Variants in ARB2A observed in about 807,000 individuals in gnomAD.
ARB2A encodes the protein ARB2 cotranscriptional regulator A.
At chr5:93,722,727 C>T in the ARB2A span, among the ~76,000 whole-genome samples, 1 of 152,076 alleles carries the variant, frequency 6.6e-6, no homozygotes, top group Non-Finnish European at 1.5e-5. Context: ...CTCATGGAAG[C>T]GAGAGGTTAT....
chr5:94,039,765 G>A, the ARB2A span, among the ~76,000 whole-genome samples: 2 of 152,110 alleles, frequency 1.3e-5, no homozygotes, highest in Non-Finnish European at 2.9e-5. Flanking sequence ...CCATAGAAGG[G>A]ACTATAGTGC....
At chr5:93,985,626 T>C in the ARB2A span, among the ~76,000 whole-genome samples, 1 of 152,330 alleles carries the variant, frequency 6.6e-6, no homozygotes, top group African/African-American at 2.4e-5. Context: ...GGTTTCGCCC[T>C]GTTGGCCGGG....
chr5:93,952,339 G>A, the ARB2A span, among the ~76,000 whole-genome samples: 10 of 152,172 alleles, frequency 6.6e-5, no homozygotes, highest in Non-Finnish European at 1.5e-4. Flanking sequence ...ATTTCTTGTA[G>A]AACACGTCTG....
the ARB2A span, among the ~76,000 whole-genome samples, chr5:93,909,733 T>C: frequency 6.6e-6 from 1 of 151,042 alleles, no homozygotes; most frequent in African/African-American, 2.4e-5. Context: ...AGTTTTTTTG[T>C]TGAAAATATG....
At chr5:94,045,170 T>A in the ARB2A span, among the ~76,000 whole-genome samples, 1 of 148,910 alleles carries the variant, frequency 6.7e-6, no homozygotes, top group Non-Finnish European at 1.5e-5. Context: ...TTACCCTATA[T>A]GGTTTTAAAA....
At chr5:93,977,294 C>G in the ARB2A span, among the ~76,000 whole-genome samples, 5 of 151,614 alleles carry the variant, frequency 3.3e-5, no homozygotes, top group African/African-American at 1.2e-4. Context: ...AGTAGTCAAG[C>G]CAAACCTAAG....
At chr5:94,011,560 C>T in the ARB2A span, among the ~76,000 whole-genome samples, 2 of 151,960 alleles carry the variant, frequency 1.3e-5, no homozygotes, top group African/African-American at 2.4e-5. Flanking sequence ...GAAGCCTGGA[C>T]TAAAGTGGAC....
the ARB2A span, among the ~76,000 whole-genome samples, chr5:94,009,733 A>T: frequency 6.6e-6 from 1 of 152,004 alleles, no homozygotes; most frequent in South Asian, 2.1e-4. Flanking sequence ...TATTTGGGTT[A>T]TCTATAGCAT....
chr5:94,001,893 G>C, the ARB2A span, among the ~76,000 whole-genome samples: 4 of 152,102 alleles, frequency 2.6e-5, no homozygotes, highest in Non-Finnish European at 5.9e-5. Context: ...TGATGTACAT[G>C]GTAAAAGGAA....
At chr5:93,753,007 G>A in the ARB2A span, among the ~76,000 whole-genome samples, 1 of 152,134 alleles carries the variant, frequency 6.6e-6, no homozygotes, top group East Asian at 1.9e-4. Context: ...TAAAGGATCA[G>A]AATATCTTCT....
chr5:93,873,303 G>T, the ARB2A span, among the ~76,000 whole-genome samples: 4 of 2,074 alleles, frequency 1.9e-3, no homozygotes, highest in Admixed American at 0.021. Flanking sequence ...AAAAAAAAAG[G>T]GGGGGGGGAA....
the ARB2A span, among the ~76,000 whole-genome samples, chr5:93,819,655 G>A: frequency 6.6e-6 from 1 of 152,134 alleles, no homozygotes; most frequent in Non-Finnish European, 1.5e-5. Context: ...AAATATAAAT[G>A]ACACTTCTTT....
At chr5:93,777,727 G>C in the ARB2A span, among the ~76,000 whole-genome samples, 1 of 152,124 alleles carries the variant, frequency 6.6e-6, no homozygotes, top group Non-Finnish European at 1.5e-5. Context: ...ACTGTGGAAA[G>C]ATCCTTGACT....
At chr5:93,824,184 A>G in the ARB2A span, 3 of 1,596,904 alleles carry the variant, frequency 1.9e-6, no homozygotes, top group South Asian at 2.3e-5. Flanking sequence ...AGCTGTGAGC[A>G]ACGAAAAACA....
At chr5:93,795,571 A>G in the ARB2A span, among the ~76,000 whole-genome samples, 1 of 152,150 alleles carries the variant, frequency 6.6e-6, no homozygotes, top group African/African-American at 2.4e-5. Flanking sequence ...TGGGAGCTGC[A>G]TACTAGTCCT....
chr5:93,872,733 C>T, the ARB2A span, among the ~76,000 whole-genome samples: 1 of 151,618 alleles, frequency 6.6e-6, no homozygotes, highest in Non-Finnish European at 1.5e-5. Flanking sequence ...CTGGCTAACA[C>T]AGTGATACCC....
chr5:93,621,564 G>C, the ARB2A span, among the ~76,000 whole-genome samples: 567 of 152,336 alleles, frequency 3.7e-3, 2 homozygotes, highest in Middle Eastern at 0.014. Flanking sequence ...CTCTCCCTCC[G>C]GGAAACCACC....
chr5:93,673,894 T>C, the ARB2A span, among the ~76,000 whole-genome samples: 18 of 152,190 alleles, frequency 1.2e-4, no homozygotes, highest in African/African-American at 4.1e-4. Context: ...AAGAATAATC[T>C]CTACTGCACA....
At chr5:94,107,401 A>G in the ARB2A span, among the ~76,000 whole-genome samples, 2 of 152,106 alleles carry the variant, frequency 1.3e-5, no homozygotes, top group East Asian at 3.8e-4. Flanking sequence ...TAAAATTGTC[A>G]TACAATTTTT....
Sources: gnomAD v4.1 joint callset for allele counts (sites outside exome capture counted in the v4.1 genomes callset) on GRCh38, gnomAD v4.1.1 for gene constraint, MANE v1.5 for transcripts, NCBI Gene and HGNC (gene_info 2026-07-23, HGNC 2026-07-21) for gene names.